Variants in MYO5B observed in about 807,000 individuals in gnomAD.
MYO5B encodes the protein myosin VB, also known as unconventional myosin-Vb.
In MYO5B, 143 loss-of-function variants were observed where a neutral mutation model predicts 229.3. That is an observed-to-expected ratio of 0.62 (90% CI 0.54 to 0.72). The LOEUF is 0.72. Among genes scored for constraint, MYO5B ranks in the 30% least tolerant of loss-of-function variants. MYO5B has a pLI of 0.00. For missense variants in MYO5B, 2,321 were observed against 2,331.0 expected (o/e 1.00, Z 0.09); for synonymous variants, 918 against 885.2 (o/e 1.04, Z -0.66).
rs2144061002 is a variant in MYO5B, at chr18:49,853,650, G to A, written c.4023-3C>T. On this transcript the variant is annotated splice_region_variant and splice_polypyrimidine_tract_variant and intron_variant, in intron 30 of 39. Coordinates refer to ENST00000285039, the MANE Select transcript of MYO5B (RefSeq NM_001080467.3). ...CCTGCAGCTGAGCCTCCAGCAGCCT[G>A]TGCCAGGGAGAGGACAGGTGAGCAC... The A allele has an allele frequency of 6.2e-7, 1 of 1,611,642 alleles. No individual in the cohort carries two copies. Among genetic ancestry groups the A allele is most frequent in the African/African-American group, 1.3e-5 (1 of 75,056 alleles).
At position 49,864,375 on chromosome 18, in the gene MYO5B, T is replaced by C. The variant is rs1253662293; in HGVS notation, c.3609A>G (p.Gln1203=). ...ADLAYNSLKR[Q]ELESENKKLK... is the part of the protein sequence containing the mutation. ...GCTTTTTGTTCTCTGACTCCAGCTC[T>C]TGCCTCTGGAAGACAGCCCAAGGGC... The change falls in exon 28 of 40, where the codon CAA becomes CAG. Residue 1203 remains glutamine, a synonymous_variant. Coordinates refer to ENST00000285039, the MANE Select transcript of MYO5B (RefSeq NM_001080467.3). 3.1e-6 allele frequency: 5 copies of C among 1,613,178 alleles called. No homozygotes were observed. The highest frequency in any genetic ancestry group is 2.2e-5 in the East Asian group (1 of 44,896).
intron 38 of MYO5B, among the ~76,000 whole-genome samples, chr18:49,836,033 GA>G (rs992926328): frequency 6.6e-6 from 1 of 152,170 alleles, no homozygotes; most frequent in Non-Finnish European, 1.5e-5. Context: ...GTTTTTTAAA[GA>G]GTTAGATATT....
chr18:50,093,776 A>G (rs2031496797), intron 1 of MYO5B, among the ~76,000 whole-genome samples: 1 of 152,168 alleles, frequency 6.6e-6, no homozygotes, highest in Non-Finnish European at 1.5e-5. Context: ...GCTAAAAAAA[A>G]AAGAAAAAAG....
chr18:50,080,759 G>C (rs1293178955), intron 1 of MYO5B, among the ~76,000 whole-genome samples: 2 of 152,152 alleles, frequency 1.3e-5, no homozygotes, highest in South Asian at 2.1e-4. Context: ...GCTGGGATGG[G>C]ACAAGCTGGG....
chr18:50,105,581 T>G (rs1032021521), intron 1 of MYO5B, among the ~76,000 whole-genome samples: 1 of 152,142 alleles, frequency 6.6e-6, no homozygotes, highest in African/African-American at 2.4e-5. Context: ...GACAGGTCAG[T>G]GGTTGCCAGG....
intron 1 of MYO5B, among the ~76,000 whole-genome samples, chr18:50,174,221 C>T (rs1435281229): frequency 6.6e-6 from 1 of 152,120 alleles, no homozygotes; most frequent in Non-Finnish European, 1.5e-5. Flanking sequence ...GATAAAGATA[C>T]ATAAAAGGAG....
chr18:50,063,677 C>T (rs1568091990), intron 1 of MYO5B: 1 of 152,244 alleles, frequency 6.6e-6, no homozygotes, highest in East Asian at 1.9e-4. Flanking sequence ...TTAAATGAAA[C>T]AAAAGTCAAT....
At chr18:50,034,170 C>G (rs563894610) in intron 4 of MYO5B, among the ~76,000 whole-genome samples, 2 of 152,240 alleles carry the variant, frequency 1.3e-5, no homozygotes, top group African/African-American at 4.8e-5. Context: ...TCAAAGTACA[C>G]TGTGCTAGCC....
intron 21 of MYO5B, among the ~76,000 whole-genome samples, chr18:49,896,040 G>T (rs963393224): frequency 6.6e-6 from 1 of 152,184 alleles, no homozygotes; most frequent in Non-Finnish European, 1.5e-5. Context: ...CTGTAGGAGC[G>T]CCAGGCAGAA....
At chr18:50,029,928 G>C (rs937922759) in intron 4 of MYO5B, among the ~76,000 whole-genome samples, 1 of 152,068 alleles carries the variant, frequency 6.6e-6, no homozygotes, top group Non-Finnish European at 1.5e-5. Flanking sequence ...AAAACCTGAG[G>C]CTCAATTAGG....
intron 1 of MYO5B, among the ~76,000 whole-genome samples, chr18:50,149,808 T>A (rs2032565846): frequency 6.6e-6 from 1 of 152,068 alleles, no homozygotes; most frequent in Non-Finnish European, 1.5e-5. Flanking sequence ...CCAAAAGCAA[T>A]GGCAAGAGCC....
At chr18:49,990,563 T>G in intron 6 of MYO5B, 43 bp from the exon 7 acceptor site, 19 of 1,519,924 alleles carry the variant, frequency 1.3e-5, no homozygotes, top group Non-Finnish European at 1.5e-5. Flanking sequence ...CAGTGACCTC[T>G]AACATCGTTC....
intron 1 of MYO5B, among the ~76,000 whole-genome samples, chr18:50,090,800 G>A (rs1488914612): frequency 2.6e-5 from 4 of 152,088 alleles, no homozygotes; most frequent in African/African-American, 9.7e-5. Flanking sequence ...GAGCCTCATT[G>A]TATCACCACT....
chr18:50,044,584 G>T (rs2030167264), intron 2 of MYO5B, among the ~76,000 whole-genome samples: 1 of 152,126 alleles, frequency 6.6e-6, no homozygotes, highest in Non-Finnish European at 1.5e-5. Flanking sequence ...AGGACTAGAT[G>T]AGTGAGAGTG....
intron 19 of MYO5B, among the ~76,000 whole-genome samples, 158 bp from the exon 20 acceptor site, chr18:49,904,986 C>T (rs1410930110): frequency 6.6e-6 from 1 of 152,252 alleles, no homozygotes; most frequent in East Asian, 1.9e-4. Context: ...ACAAATGTAG[C>T]AATGCCTTAG....
At chr18:50,095,852 C>T (rs2031539834) in intron 1 of MYO5B, among the ~76,000 whole-genome samples, 1 of 152,188 alleles carries the variant, frequency 6.6e-6, no homozygotes, top group Non-Finnish European at 1.5e-5. Context: ...ACAGGAACCA[C>T]CTTCAGAGCT....
chr18:49,832,883 G>A (rs1318599824), intron 39 of MYO5B, among the ~76,000 whole-genome samples: 1 of 152,158 alleles, frequency 6.6e-6, no homozygotes, highest in Non-Finnish European at 1.5e-5. Context: ...TGGCCTGGCA[G>A]AATGATTCTC....
At chr18:50,175,548 T>G (rs2032983591) in intron 1 of MYO5B, among the ~76,000 whole-genome samples, 1 of 152,264 alleles carries the variant, frequency 6.6e-6, no homozygotes, top group Non-Finnish European at 1.5e-5. Flanking sequence ...GGTTTATTTT[T>G]ATGGGTAAGT....
chr18:50,169,770 G>GGA (rs2032900604), intron 1 of MYO5B, among the ~76,000 whole-genome samples: 1 of 127,576 alleles, frequency 7.8e-6, no homozygotes, highest in Non-Finnish European at 1.7e-5. Flanking sequence ...CAATTTTCCT[G>GGA]AAGTCTGAAA....
Sources: allele counts gnomAD v4.1 joint callset (sites outside exome capture counted in the v4.1 genomes callset), GRCh38; gene constraint gnomAD v4.1.1; transcripts MANE v1.5; gene names NCBI Gene and HGNC (gene_info 2026-07-23, HGNC 2026-07-21).